The following GFPT1 variants were observed in gnomAD, a reference collection of about 807,000 sequenced individuals.
GFPT1 encodes the protein glutamine--fructose-6-phosphate aminotransferase [isomerizing] 1.
GFPT1 carries 40 observed loss-of-function variants against 92.0 expected under a neutral mutation model. That is an observed-to-expected ratio of 0.43 (90% CI 0.34 to 0.57). The LOEUF (loss-of-function observed/expected upper bound fraction) is 0.57. GFPT1 is among the 20% of genes least tolerant of loss of function. The probability of loss-of-function intolerance (pLI) is 0.02; values close to 1 mark genes in which losing one functional copy is unlikely to be tolerated. For synonymous variants in GFPT1, 269 were observed against 280.6 expected (o/e 0.96, Z 0.41); for missense variants, 448 against 869.1 (o/e 0.52, Z 6.09).
rs61141681 is a variant in GFPT1 at position 69,336,339 on chromosome 2, C to CAAA, written c.1482+1556_1482+1558dup. 5.9e-3 allele frequency among the ~76,000 whole-genome samples: 574 copies of CAAA among 98,012 alleles called. 15 individuals carry two copies. The highest frequency in any genetic ancestry group is 0.021 in the African/African-American group (528 of 25,198). The allele number at this position is 98,012 out of a possible 152,430, so 64.3% of individuals were successfully genotyped here. On this transcript the variant is annotated intron_variant, in intron 15 of 19. Coordinates refer to ENST00000357308, the MANE Select transcript of GFPT1 (RefSeq NM_001244710.2). ...GGCCAACAGAGTGAGAGTCTGTCTC[C>CAAA]AAAAAAAAAAAAAAAAAGAAAAAGA...
intron 1 of GFPT1, among the ~76,000 whole-genome samples, chr2:69,381,100 C>T (rs1671997961): frequency 6.6e-6 from 1 of 152,052 alleles, no homozygotes; most frequent in South Asian, 2.1e-4. Flanking sequence ...CCGCCTCAGC[C>T]TCTTGAGCAG....
At chr2:69,384,611 T>G (rs894047824) in intron 1 of GFPT1, among the ~76,000 whole-genome samples, 1 of 141,250 alleles carries the variant, frequency 7.1e-6, no homozygotes, top group Non-Finnish European at 1.5e-5. Flanking sequence ...ACTCGGGAGG[T>G]TGAACCCCGG....
intron 3 of GFPT1, among the ~76,000 whole-genome samples, chr2:69,369,719 G>A (rs892814663): frequency 6.6e-6 from 1 of 152,156 alleles, no homozygotes; most frequent in East Asian, 1.9e-4. Flanking sequence ...CAGGAATGGT[G>A]GCTCTGAAGA....
At chr2:69,367,707 G>A (rs1671644509) in intron 3 of GFPT1, among the ~76,000 whole-genome samples, 1 of 152,064 alleles carries the variant, frequency 6.6e-6, no homozygotes, top group Non-Finnish European at 1.5e-5. Context: ...TAGACATTTA[G>A]GCTGTTTCTA....
chr2:69,381,633 C>T (rs1349321681), intron 1 of GFPT1, among the ~76,000 whole-genome samples: 5 of 150,756 alleles, frequency 3.3e-5, no homozygotes, highest in African/African-American at 1.2e-4. Flanking sequence ...TCATAGCTCA[C>T]TGCAGCCTCA....
intron 4 of GFPT1, among the ~76,000 whole-genome samples, chr2:69,361,672 C>A (rs1671475177): frequency 6.6e-6 from 1 of 152,068 alleles, no homozygotes; most frequent in South Asian, 2.1e-4. Flanking sequence ...TAGGCAGCTT[C>A]TGAATTAAAC....
intron 6 of GFPT1, among the ~76,000 whole-genome samples, chr2:69,357,752 T>A (rs1431007720): frequency 1.3e-5 from 2 of 152,192 alleles, no homozygotes; most frequent in Non-Finnish European, 2.9e-5. Context: ...ATGTCTTTAA[T>A]CTTTAATTAG....
chr2:69,345,780 C>A, intron 12 of GFPT1, 124 bp downstream of exon 12: 1 of 681,426 alleles, frequency 1.5e-6, no homozygotes, highest in Non-Finnish European at 2.7e-6. Flanking sequence ...TGGCTGGGCT[C>A]CACTGATGGC....
At chr2:69,336,377 G>T (rs1176330239) in intron 15 of GFPT1, among the ~76,000 whole-genome samples, 2 of 145,136 alleles carry the variant, frequency 1.4e-5, no homozygotes, top group African/African-American at 5.1e-5. Context: ...AAGAAAAGAA[G>T]AATTTTTATA....
intron 13 of GFPT1, among the ~76,000 whole-genome samples, 197 bp downstream of exon 13, chr2:69,341,955 C>A (rs183199283): frequency 6.6e-6 from 1 of 152,274 alleles, no homozygotes; most frequent in South Asian, 2.1e-4. Context: ...ATCTAGGGAC[C>A]TTTTCTACAG....
At chr2:69,374,810 G>A (rs1485182307) in intron 1 of GFPT1, among the ~76,000 whole-genome samples, 1 of 151,982 alleles carries the variant, frequency 6.6e-6, no homozygotes, top group Non-Finnish European at 1.5e-5. Context: ...GATTAATTTT[G>A]CTTATTTCCA....
chr2:69,357,176 A>G (rs537739776), intron 6 of GFPT1, among the ~76,000 whole-genome samples: 2 of 152,310 alleles, frequency 1.3e-5, no homozygotes, highest in Admixed American at 1.3e-4. Flanking sequence ...CTACCTATCT[A>G]TATCGTCATA....
intron 12 of GFPT1, 60 bp from the exon 13 acceptor site, chr2:69,342,309 G>C: frequency 9.9e-7 from 1 of 1,011,410 alleles, no homozygotes; most frequent in South Asian, 1.3e-5. Flanking sequence ...CTAGGCAATC[G>C]CATTTTGTGA....
intron 1 of GFPT1, among the ~76,000 whole-genome samples, chr2:69,384,548 C>T (rs1341391641): frequency 2.6e-5 from 4 of 151,580 alleles, no homozygotes; most frequent in African/African-American, 9.7e-5. Context: ...CCCACCTCTA[C>T]CAAAAATGCA....
At chr2:69,331,746 TAGTA>T (rs60041141) in intron 15 of GFPT1, among the ~76,000 whole-genome samples, 65,780 of 151,586 alleles carry the variant, frequency 0.43, 14,493 homozygotes, top group African/African-American at 0.5. Context: ...TTTTTTCACT[TAGTA>T]AGAACCTTTC....
chr2:69,323,037 G>A lies in GFPT1; in HGVS notation c.*3152C>T, dbSNP rs1670451322. 6.6e-6 allele frequency: 1 copy of A among 152,108 alleles called. No individual in the cohort carries two copies. The allele number at this position is 152,108 out of a possible 1,614,324, so 9.4% of individuals were successfully genotyped here. A position where few individuals can be genotyped will look rare whatever the true frequency, so the allele number is the denominator to read the frequency against. On this transcript the variant is annotated 3_prime_UTR_variant, in exon 20 of 20. Coordinates refer to ENST00000357308, the MANE Select transcript of GFPT1 (RefSeq NM_001244710.2). ...CAACCACAGTGACTTTCCCATAATAGGTATTAATAAACACTTGTTGACATA... is the reference window on the plus strand; with the variant it reads ...CAACCACAGTGACTTTCCCATAATAAGTATTAATAAACACTTGTTGACATA...
At chr2:69,346,410 T>G (rs1457582277) in intron 11 of GFPT1, among the ~76,000 whole-genome samples, 3 of 152,106 alleles carry the variant, frequency 2.0e-5, no homozygotes, top group Admixed American at 6.6e-5. Context: ...GGCTAATTTT[T>G]TGTATTTTTA....
intron 11 of GFPT1, among the ~76,000 whole-genome samples, chr2:69,347,403 CA>C (rs1574059539): frequency 1.3e-5 from 2 of 151,716 alleles, no homozygotes; most frequent in East Asian, 3.9e-4. Flanking sequence ...TAAAATAATC[CA>C]AATCATAATA....
At chr2:69,336,351 A>G (rs1195759471) in intron 15 of GFPT1, among the ~76,000 whole-genome samples, 7 of 150,710 alleles carry the variant, frequency 4.6e-5, no homozygotes, top group Admixed American at 1.3e-4. Flanking sequence ...AAAAAAAAAA[A>G]AAAAAGAAAA....
Sources: allele counts gnomAD v4.1 joint callset (sites outside exome capture counted in the v4.1 genomes callset), GRCh38; gene constraint gnomAD v4.1.1; transcripts MANE v1.5; gene names NCBI Gene and HGNC (gene_info 2026-07-23, HGNC 2026-07-21).